Variants in CDC42BPA observed in about 807,000 individuals in gnomAD.
CDC42BPA encodes serine/threonine-protein kinase MRCK alpha.
In CDC42BPA, 80 loss-of-function variants were observed where a neutral mutation model predicts 223.5. The observed-to-expected ratio is 0.36, with a 90% CI of 0.30 to 0.43. The LOEUF is 0.43. Ranked by LOEUF, CDC42BPA falls within the 20% of genes least tolerant of loss-of-function variation. The probability of loss-of-function intolerance (pLI) is 1.00; values close to 1 mark genes in which losing one functional copy is unlikely to be tolerated. For synonymous variants in CDC42BPA, 694 were observed against 718.6 expected, an observed-to-expected ratio of 0.97 and a Z score of 0.55; for missense variants, 1,743 against 2,099.9, an observed-to-expected ratio of 0.83 and a Z score of 3.32.
intron 3 of CDC42BPA, among the ~76,000 whole-genome samples, chr1:227,204,618 G>A (rs1326053394): frequency 1.3e-5 from 2 of 152,080 alleles, no homozygotes; most frequent in African/African-American, 4.8e-5. Flanking sequence ...AAGCTGAAGT[G>A]CCTCAGGGTA....
chr1:227,242,888 G>A (rs556943587), intron 2 of CDC42BPA, among the ~76,000 whole-genome samples: 21 of 152,256 alleles, frequency 1.4e-4, no homozygotes, highest in African/African-American at 5.1e-4. Context: ...ATTCACTGCA[G>A]CACTATTCAC....
At chr1:227,193,611 C>T (rs1431307572) in intron 5 of CDC42BPA, 175 bp downstream of exon 5, 15 of 553,828 alleles carry the variant, frequency 2.7e-5, no homozygotes, top group East Asian at 9.1e-5. Flanking sequence ...TTCTGTAATG[C>T]TGACAAATAA....
intron 16 of CDC42BPA, among the ~76,000 whole-genome samples, chr1:227,089,372 C>T (rs1682609352): frequency 6.6e-6 from 1 of 152,068 alleles, no homozygotes; most frequent in African/African-American, 2.4e-5. Context: ...CTTATCACTA[C>T]TGAGACAGAC....
intron 2 of CDC42BPA, among the ~76,000 whole-genome samples, chr1:227,226,409 G>A (rs184824817): frequency 1.7e-4 from 26 of 152,282 alleles, no homozygotes; most frequent in Admixed American, 1.5e-3. Context: ...GAAGCAAAGA[G>A]AAGAGGTTTG....
intron 24 of CDC42BPA, among the ~76,000 whole-genome samples, chr1:227,039,280 T>C (rs1325362875): frequency 1.3e-5 from 2 of 152,172 alleles, no homozygotes; most frequent in East Asian, 1.9e-4. Flanking sequence ...GGTGGTATAA[T>C]TGCTTACAAA....
intron 35 of CDC42BPA, among the ~76,000 whole-genome samples, chr1:226,997,370 G>T (rs9727468): frequency 0.18 from 26,639 of 151,804 alleles, 2,646 homozygotes; most frequent in Non-Finnish European, 0.22. Flanking sequence ...CTGGCTAGCG[G>T]CCTATTTTGT....
intron 18 of CDC42BPA, 92 bp from the exon 19 acceptor site, chr1:227,074,104 T>C: frequency 6.8e-7 from 1 of 1,466,910 alleles, no homozygotes; most frequent in Non-Finnish European, 9.3e-7. Flanking sequence ...TTTTCTAAAC[T>C]GGAAAAGACC....
intron 27 of CDC42BPA, among the ~76,000 whole-genome samples, chr1:227,032,593 G>C (rs1375326579): frequency 6.6e-6 from 1 of 152,142 alleles, no homozygotes; most frequent in Non-Finnish European, 1.5e-5. Flanking sequence ...AATCTGGGCT[G>C]ACCTCATGAC....
At chr1:227,169,568 A>C (rs769883414) in intron 5 of CDC42BPA, among the ~76,000 whole-genome samples, 1 of 152,124 alleles carries the variant, frequency 6.6e-6, no homozygotes, top group Non-Finnish European at 1.5e-5. Flanking sequence ...CCTCTCTAAC[A>C]AACATAGTTT....
rs1292662938 is a variant in CDC42BPA at position 227,069,978 on chromosome 1, T to A, written c.2828-125A>T. 3 of 550,376 alleles carry A rather than the reference T, an allele frequency of 5.5e-6. No homozygotes were observed. The Admixed American group carries it at 1.0e-4, about 19-fold the overall frequency. 34.1% of individuals were successfully genotyped at this position (550,376 alleles called of 1,614,324 possible). On this transcript the variant is annotated intron_variant, in intron 20 of 36. Coordinates refer to ENST00000366766, the MANE Select transcript of CDC42BPA (RefSeq NM_001394014.1). The stretch of plus-strand genomic sequence containing the variant: ...TACTGTATTTCAAAGTTGATCACTA[T>A]AATTAACTCTACATTTAAACAAAAC...
intron 21 of CDC42BPA, among the ~76,000 whole-genome samples, chr1:227,066,099 A>C (rs1356296570): frequency 6.6e-6 from 1 of 152,146 alleles, no homozygotes; most frequent in East Asian, 1.9e-4. Flanking sequence ...CTCCTTAAGA[A>C]TCCAAGTGCA....
chr1:227,207,956 G>A (rs1296300045), intron 3 of CDC42BPA, among the ~76,000 whole-genome samples: 14 of 81,946 alleles, frequency 1.7e-4, no homozygotes, highest in African/African-American at 6.1e-4. Flanking sequence ...CTTCCACAAT[G>A]GTTGAACTAG....
intron 4 of CDC42BPA, among the ~76,000 whole-genome samples, chr1:227,194,759 G>C (rs1002196390): frequency 2.0e-5 from 3 of 152,136 alleles, no homozygotes; most frequent in Non-Finnish European, 1.5e-5. Context: ...GAGAAAACTA[G>C]ACATAGTGGA....
At chr1:227,207,675 T>C (rs940825163) in intron 3 of CDC42BPA, among the ~76,000 whole-genome samples, 4 of 151,624 alleles carry the variant, frequency 2.6e-5, no homozygotes, top group Non-Finnish European at 4.4e-5. Context: ...TTCATCTATG[T>C]CCCTACAAAG....
chr1:227,268,364 C>T (rs76132272), intron 1 of CDC42BPA, among the ~76,000 whole-genome samples: 8,214 of 151,954 alleles, frequency 0.054, 245 homozygotes, highest in Non-Finnish European at 0.073. Flanking sequence ...CTGTTTTAGT[C>T]GGTTTCTTTT....
chr1:227,204,235 T>C (rs1672282749), intron 3 of CDC42BPA, among the ~76,000 whole-genome samples: 1 of 152,188 alleles, frequency 6.6e-6, no homozygotes, highest in Admixed American at 6.5e-5. Context: ...TTTTAAGTCT[T>C]CATTTTAATA....
chr1:227,293,425 G>T (rs1690046075), intron 1 of CDC42BPA, among the ~76,000 whole-genome samples: 1 of 151,458 alleles, frequency 6.6e-6, no homozygotes, highest in South Asian at 2.1e-4. Context: ...ATGAGAACTG[G>T]TTATACAATC....
At position 227,073,976 on chromosome 1, in the gene CDC42BPA, C is replaced by A; in HGVS notation, c.2623G>T (p.Asp875Tyr). The A allele has an allele frequency of 6.2e-7, 1 of 1,612,398 alleles. No homozygotes were observed. The highest frequency in any genetic ancestry group is 1.1e-5 in the South Asian group (1 of 90,524). The change falls in exon 19 of 37, where the codon GAT (aspartate) becomes TAT (tyrosine). Residue 875 changes from aspartate to tyrosine, a missense_variant. Asp to Tyr is a radical substitution (Grantham distance 160). Transcript: ENST00000366766. Reference sequence around the variant, plus strand: ...TGCAACTCCAGTCTAGCTGACATATCCAGTTTCGCAAAACGACGCATTTTC... The same window carrying A: ...TGCAACTCCAGTCTAGCTGACATATACAGTTTCGCAAAACGACGCATTTTC... ...PWKMRRFAKL[D>Y]MSARLELQSA... is the part of the protein sequence containing the mutation.
chr1:227,248,902 A>G (rs1382246132), intron 2 of CDC42BPA, among the ~76,000 whole-genome samples: 1 of 152,198 alleles, frequency 6.6e-6, no homozygotes, highest in Non-Finnish European at 1.5e-5. Context: ...TCAAAGTATT[A>G]ATGACATTCT....
Sources: gnomAD v4.1 joint callset for allele counts (sites outside exome capture counted in the v4.1 genomes callset) on GRCh38, gnomAD v4.1.1 for gene constraint, MANE v1.5 for transcripts, NCBI Gene and HGNC (gene_info 2026-07-23, HGNC 2026-07-21) for gene names.